MAPK10: variants seen among roughly 807,000 people sequenced by gnomAD.
The protein encoded by MAPK10 is mitogen-activated protein kinase 10, also known as JNK3 alpha protein kinase.
A neutral mutation model predicts 59.3 loss-of-function variants in MAPK10; 25 were observed. The ratio of observed to expected loss-of-function variants is 0.42; its 90% CI spans 0.31 to 0.59. The LOEUF (loss-of-function observed/expected upper bound fraction) is 0.59, where lower values mean the gene tolerates loss of function less well. Among genes scored for constraint, MAPK10 ranks in the 20% least tolerant of loss-of-function variants. The pLI is 0.15. For synonymous variants in MAPK10, 190 were observed against 200.5 expected (o/e 0.95, Z 0.44); for missense variants, 351 against 568.9 (o/e 0.62, Z 3.90).
intron 1 of MAPK10, among the ~76,000 whole-genome samples, chr4:86,587,338 G>A (rs770666515): frequency 6.6e-6 from 1 of 152,158 alleles, no homozygotes; most frequent in Non-Finnish European, 1.5e-5. Flanking sequence ...TTTAAAGAGC[G>A]TTCAGCTACT....
chr4:86,074,750 TGCCGAGAGATCC>T, intron 9 of MAPK10, among the ~76,000 whole-genome samples: 1 of 139,958 alleles, frequency 7.1e-6, no homozygotes, highest in African/African-American at 2.8e-5. Flanking sequence ...GTAGGGTTTC[TGCCGAGAGATCC>T]GCTGTTAGTC....
intron 1 of MAPK10, among the ~76,000 whole-genome samples, chr4:86,445,777 G>A (rs973470614): frequency 6.6e-6 from 1 of 151,976 alleles, no homozygotes; most frequent in Admixed American, 6.6e-5. Context: ...CAGATCCTGT[G>A]AAATCCTTCA....
intron 4 of MAPK10, among the ~76,000 whole-genome samples, chr4:86,148,722 T>C (rs1404438579): frequency 6.6e-6 from 1 of 152,100 alleles, no homozygotes; most frequent in Non-Finnish European, 1.5e-5. Flanking sequence ...AAGGGCAAGT[T>C]TGAGTAGATG....
At chr4:86,480,025 TTA>T (rs1018459038) in intron 1 of MAPK10, among the ~76,000 whole-genome samples, 3 of 152,070 alleles carry the variant, frequency 2.0e-5, no homozygotes, top group African/African-American at 7.2e-5. Context: ...TTCAACACTA[TTA>T]TGTTTTATTT....
intron 1 of MAPK10, among the ~76,000 whole-genome samples, chr4:86,580,205 T>A (rs952609093): frequency 6.6e-6 from 1 of 152,108 alleles, no homozygotes; most frequent in Non-Finnish European, 1.5e-5. Flanking sequence ...AAATACCCTT[T>A]GTATAAAAGT....
intron 2 of MAPK10, among the ~76,000 whole-genome samples, chr4:86,339,479 T>C (rs1723594901): frequency 6.6e-6 from 1 of 152,214 alleles, no homozygotes; most frequent in Non-Finnish European, 1.5e-5. Context: ...ACCGTATTAA[T>C]AGATTCAGGG....
intron 1 of MAPK10, among the ~76,000 whole-genome samples, chr4:86,510,786 A>T (rs1349683152): frequency 6.6e-6 from 1 of 152,182 alleles, no homozygotes; most frequent in Non-Finnish European, 1.5e-5. Flanking sequence ...AGCCAGGCAC[A>T]GAAAAACAAA....
chr4:86,292,854 G>A (rs1459493652), intron 2 of MAPK10, among the ~76,000 whole-genome samples: 7 of 152,210 alleles, frequency 4.6e-5, no homozygotes, highest in Non-Finnish European at 7.3e-5. Context: ...GAAAGCGGTG[G>A]TGGTCTCTGG....
At chr4:86,549,032 A>T (rs564850717) in intron 1 of MAPK10, among the ~76,000 whole-genome samples, 2 of 152,346 alleles carry the variant, frequency 1.3e-5, no homozygotes, top group Non-Finnish European at 2.9e-5. Flanking sequence ...ATGGAATACT[A>T]AAATACCAAT....
At chr4:86,424,914 G>A (rs1241325129) in intron 1 of MAPK10, among the ~76,000 whole-genome samples, 1 of 152,104 alleles carries the variant, frequency 6.6e-6, no homozygotes, top group African/African-American at 2.4e-5. Flanking sequence ...ATAGAGATAG[G>A]GAAATAAATC....
At chr4:86,286,682 T>C (rs1281670076) in intron 2 of MAPK10, among the ~76,000 whole-genome samples, 1 of 152,196 alleles carries the variant, frequency 6.6e-6, no homozygotes, top group Non-Finnish European at 1.5e-5. Context: ...CCAGAGCTCC[T>C]GCCTTTAATC....
At chr4:86,082,407 C>T (rs1221364422) in intron 9 of MAPK10, 1 of 152,110 alleles carries the variant, frequency 6.6e-6, no homozygotes, top group Non-Finnish European at 1.5e-5. Context: ...AAATTCATTA[C>T]ATCTCCCCCT....
At chr4:86,460,808 GT>G (rs766926317) in intron 1 of MAPK10, among the ~76,000 whole-genome samples, 4 of 152,196 alleles carry the variant, frequency 2.6e-5, no homozygotes, top group Non-Finnish European at 5.9e-5. Context: ...CCATCTCTTT[GT>G]TTCCGGTAAG....
chr4:86,372,267 C>T (rs1738881649), intron 1 of MAPK10, among the ~76,000 whole-genome samples: 1 of 152,032 alleles, frequency 6.6e-6, no homozygotes, highest in African/African-American at 2.4e-5. Context: ...GCCAGTAATC[C>T]CAGCTCTTTG....
chr4:86,387,801 C>T (rs1412106270), intron 1 of MAPK10, among the ~76,000 whole-genome samples: 2 of 151,938 alleles, frequency 1.3e-5, no homozygotes, highest in African/African-American at 2.4e-5. Context: ...TTTTAGCCCT[C>T]CTCCTCCTAT....
intron 2 of MAPK10, among the ~76,000 whole-genome samples, chr4:86,223,233 G>A (rs1276044563): frequency 6.6e-6 from 1 of 152,116 alleles, no homozygotes; most frequent in East Asian, 1.9e-4. Context: ...TACAACAGAA[G>A]CCTCTAGAAT....
intron 2 of MAPK10, among the ~76,000 whole-genome samples, chr4:86,330,476 G>A (rs2096126676): frequency 6.6e-6 from 1 of 152,124 alleles, no homozygotes; most frequent in African/African-American, 2.4e-5. Context: ...ATCCCCACAC[G>A]TCATGGGAGG....
intron 2 of MAPK10, among the ~76,000 whole-genome samples, chr4:86,229,739 G>A (rs1385773304): frequency 6.6e-6 from 1 of 151,876 alleles, no homozygotes; most frequent in Non-Finnish European, 1.5e-5. Flanking sequence ...CCATGCATAT[G>A]TATTTCTAAA....
At chr4:86,243,088 C>T (rs564387637) in intron 2 of MAPK10, among the ~76,000 whole-genome samples, 5 of 152,304 alleles carry the variant, frequency 3.3e-5, no homozygotes, top group Admixed American at 3.3e-4. Flanking sequence ...TGTGGGTCTT[C>T]CTTCTCTCCA....
Sources: allele counts gnomAD v4.1 joint callset (sites outside exome capture counted in the v4.1 genomes callset), GRCh38; gene constraint gnomAD v4.1.1; transcripts MANE v1.5; gene names NCBI Gene and HGNC (gene_info 2026-07-23, HGNC 2026-07-21).